Variants in GTPBP10 observed in about 807,000 individuals in gnomAD.
GTPBP10 encodes the protein GTP binding protein 10, also known as GTP-binding protein 10.
A neutral mutation model predicts 44.8 loss-of-function variants in GTPBP10; 38 were observed. That is an observed-to-expected ratio of 0.85 (90% confidence interval 0.65 to 1.11). GTPBP10 has a LOEUF of 1.11. Ranked by LOEUF, GTPBP10 falls within the 50% of genes most tolerant of loss-of-function variation. GTPBP10 has a pLI of 0.00. For missense variants in GTPBP10, 462 were observed against 453.7 expected, an observed-to-expected ratio of 1.02 and a Z score of -0.17; for synonymous variants, 152 against 150.6, an observed-to-expected ratio of 1.01 and a Z score of -0.07.
At chr7:90,379,497 C>CT (rs749160494) in intron 8 of GTPBP10, among the ~76,000 whole-genome samples, 3 of 152,212 alleles carry the variant, frequency 2.0e-5, no homozygotes, top group Non-Finnish European at 4.4e-5. Context: ...CTGTAACCCT[C>CT]TCCCCTAGAT....
Position 90,377,510 on chromosome 7 carries a change from T to C in GTPBP10, c.595T>C (p.Ser199Pro), listed in dbSNP as rs189384067. Residue 199 changes from serine to proline, a missense_variant, in exon 7 of 10, where the codon TCA becomes CCA. Ser to Pro is a moderately conservative substitution (Grantham distance 74). Transcript: ENST00000222511. ...TAACCATTTAACTTTGTATTAGATATCAGTAGCTGATCTTCCGGGTTTAAT... is the reference window on the plus strand; with the variant it reads ...TAACCATTTAACTTTGTATTAGATACCAGTAGCTGATCTTCCGGGTTTAAT... ...KIMYSDFKQI[S>P]VADLPGLIEG... The C allele has an allele frequency of 1.3e-6, 2 of 1,597,810 alleles. No homozygotes were observed. Among genetic ancestry groups the C allele is most frequent in the East Asian group, 2.2e-5 (1 of 44,658 alleles).
chr7:90,362,097 A>AT (rs59137566), intron 4 of GTPBP10, among the ~76,000 whole-genome samples: 117,385 of 151,634 alleles, frequency 0.77, 45,600 homozygotes, highest in East Asian at 0.89. Flanking sequence ...GGATTCATTG[A>AT]TTTTTTTTGA....
intron 5 of GTPBP10, among the ~76,000 whole-genome samples, chr7:90,374,011 C>T (rs1170082788): frequency 6.6e-6 from 1 of 152,012 alleles, no homozygotes; most frequent in Non-Finnish European, 1.5e-5. Context: ...CCTAGTTTTA[C>T]ATTTTTTGTA....
At chr7:90,364,366 C>T (rs1346689829) in intron 4 of GTPBP10, among the ~76,000 whole-genome samples, 1 of 152,192 alleles carries the variant, frequency 6.6e-6, no homozygotes, top group Admixed American at 6.5e-5. Context: ...TCAGGACCCT[C>T]AGCTGCAGGT....
intron 2 of GTPBP10, 95 bp downstream of exon 2, chr7:90,353,104 A>G: frequency 1.3e-6 from 1 of 781,852 alleles, no homozygotes. Flanking sequence ...TGTTAATTTG[A>G]AGTAAATTAT....
At chr7:90,383,105 T>C in intron 9 of GTPBP10, 26 bp downstream of exon 9, 2 of 1,477,116 alleles carry the variant, frequency 1.4e-6, no homozygotes, top group Non-Finnish European at 1.8e-6. Flanking sequence ...CATTTAATTC[T>C]AATTTAAAGA....
intron 4 of GTPBP10, among the ~76,000 whole-genome samples, chr7:90,362,522 T>C (rs899427545): frequency 8.5e-5 from 13 of 152,232 alleles, no homozygotes; most frequent in Non-Finnish European, 1.6e-4. Context: ...TTCTGTTCTT[T>C]TACATTTGCT....
At chr7:90,355,797 A>G (rs1050869562) in intron 4 of GTPBP10, among the ~76,000 whole-genome samples, 7 of 152,184 alleles carry the variant, frequency 4.6e-5, no homozygotes, top group Admixed American at 4.6e-4. Context: ...TGTAGGCCTC[A>G]CAAGAGTGTC....
At position 90,378,169 on chromosome 7, in the gene GTPBP10, T is replaced by A; in HGVS notation, c.735T>A (p.Thr245=). 6.2e-7 allele frequency: 1 copy of A among 1,613,176 alleles called. No homozygotes were observed. Residue 245 remains threonine (T), a synonymous_variant, in exon 8 of 10, where the codon ACT becomes ACA. Transcript: ENST00000222511. ...DISGFQLSSH[T]QYRTAFETII... ...CTGGATTTCAGCTTTCTTCTCACACTCAATACAGGACAGCTTTTGAAACCA... is the reference window on the plus strand; with the variant it reads ...CTGGATTTCAGCTTTCTTCTCACACACAATACAGGACAGCTTTTGAAACCA...
chr7:90,353,107 T>C (rs1795826025), intron 2 of GTPBP10, 98 bp downstream of exon 2: 2 of 763,698 alleles, frequency 2.6e-6, no homozygotes, highest in Non-Finnish European at 2.1e-6. Context: ...TAATTTGAAG[T>C]AAATTATTTC....
intron 4 of GTPBP10, among the ~76,000 whole-genome samples, chr7:90,356,863 T>TATAATGAA (rs1795911522): frequency 6.6e-6 from 1 of 152,194 alleles, no homozygotes. Context: ...GAAAACTGCA[T>TATAATGAA]ATAATGAAAT....
At chr7:90,347,972 G>T (rs1359184640) in intron 1 of GTPBP10, among the ~76,000 whole-genome samples, 1 of 152,152 alleles carries the variant, frequency 6.6e-6, no homozygotes, top group Admixed American at 6.5e-5. Flanking sequence ...TGAGCCTATT[G>T]TTCTTGCTAC....
intron 6 of GTPBP10, among the ~76,000 whole-genome samples, chr7:90,374,933 A>T (rs940409651): frequency 6.6e-6 from 1 of 152,238 alleles, no homozygotes; most frequent in African/African-American, 2.4e-5. Flanking sequence ...CTGCACATGG[A>T]TGCTTATAGC....
At chr7:90,365,054 A>T (rs1796103976) in intron 4 of GTPBP10, among the ~76,000 whole-genome samples, 1 of 152,158 alleles carries the variant, frequency 6.6e-6, no homozygotes, top group African/African-American at 2.4e-5. Flanking sequence ...AGGAAAGGGA[A>T]TTCCCTGACC....
chr7:90,352,905 AGG>A lies in GTPBP10; in HGVS notation c.124_125del (p.Gly42TrpfsTer2). On this transcript the variant is annotated frameshift_variant, in exon 2 of 10. Coordinates refer to ENST00000222511, the MANE Select transcript of GTPBP10 (RefSeq NM_033107.4). LOFTEE classifies it high-confidence loss of function. ...CTCGTTTAGGTGGAGAAGGTGGAAAAGGTGGTGATGTCTGGGTTGTAGCCCAG... is the reference window on the plus strand; with the variant it reads ...CTCGTTTAGGTGGAGAAGGTGGAAAATGGTGATGTCTGGGTTGTAGCCCAG... Reference protein sequence around the residue: ...YPRLGGEGGKGGDVWVVAQNR... With the variant: ...YPRLGGEGGKXGDVWVVAQNR... 6.2e-7 allele frequency: 1 copy of A among 1,613,780 alleles called. No individual in the cohort carries two copies. The highest frequency in any genetic ancestry group is 8.5e-7 in the Non-Finnish European group (1 of 1,179,872).
At chr7:90,351,258 G>A (rs1174008372) in intron 1 of GTPBP10, among the ~76,000 whole-genome samples, 1 of 152,160 alleles carries the variant, frequency 6.6e-6, no homozygotes, top group African/African-American at 2.4e-5. Flanking sequence ...AAGTGTGTGT[G>A]TAAGTTTTGA....
chr7:90,359,369 C>CT (rs1795969178), intron 4 of GTPBP10, among the ~76,000 whole-genome samples: 1 of 152,036 alleles, frequency 6.6e-6, no homozygotes, highest in South Asian at 2.1e-4. Flanking sequence ...TCAGCTCCCA[C>CT]TTAAGAGTGA....
In GTPBP10 at chr7:90,390,371, T is replaced by A. The variant is rs1486206851; in HGVS notation, c.*5217T>A. On this transcript the variant is annotated 3_prime_UTR_variant, in exon 10 of 10. Transcript: ENST00000222511. ...CAATTTCAACTACCATTTCTGACCA[T>A]CATCAACCACAAATTTTAGGCAATT... 1 of 152,226 alleles carries A rather than the reference T, an allele frequency of 6.6e-6. No individual in the cohort carries two copies. The highest frequency in any genetic ancestry group is 1.5e-5 in the Non-Finnish European group (1 of 68,048). 9.4% of individuals were successfully genotyped at this position (152,226 alleles called of 1,614,324 possible).
In GTPBP10 at chr7:90,346,753, C is replaced by T; in HGVS notation, c.12C>T (p.Cys4=). The change falls in exon 1 of 10, where the codon TGC becomes TGT. Residue 4 remains cysteine, a synonymous_variant. Coordinates refer to ENST00000222511, the MANE Select transcript of GTPBP10 (RefSeq NM_033107.4). The stretch of plus-strand genomic sequence containing the variant: ...GGCCTGTTGCAGCCATGGTGCATTG[C>T]AGTTGCGTGTTGTTCAGAAAGGTCC... MVH[C]SCVLFRKYGN... 6.2e-7 allele frequency: 1 copy of T among 1,614,234 alleles called. No individual in the cohort carries two copies. Among genetic ancestry groups the T allele is most frequent in the South Asian group, 1.1e-5 (1 of 91,082 alleles).
Sources: gnomAD v4.1 joint callset for allele counts (sites outside exome capture counted in the v4.1 genomes callset) on GRCh38, gnomAD v4.1.1 for gene constraint, MANE v1.5 for transcripts, NCBI Gene and HGNC (gene_info 2026-07-23, HGNC 2026-07-21) for gene names.